Variants in WDR49 observed in about 807,000 individuals in gnomAD.
WDR49 encodes the protein cilia- and flagella-associated protein 337.
A neutral mutation model predicts 119.5 loss-of-function variants in WDR49; 107 were observed. That is an observed-to-expected ratio of 0.90 (90% CI 0.77 to 1.05). WDR49 has a LOEUF of 1.05. Among genes scored for constraint, WDR49 ranks in the 50% least tolerant of loss-of-function variants. The pLI is 0.00. For synonymous variants in WDR49, 425 were observed against 418.8 expected (o/e 1.01, Z -0.18); for missense variants, 1,240 against 1,220.5 (o/e 1.02, Z -0.24).
In WDR49 at chr3:167,492,980, C is replaced by T. The variant is rs538975429; in HGVS notation, c.3031+7173G>A. Among the ~76,000 whole-genome samples, 60 of 152,230 alleles carry T rather than the reference C, an allele frequency of 3.9e-4. No homozygotes were observed. In the South Asian group the frequency reaches 0.012, roughly 31 times the overall value. The stretch of plus-strand genomic sequence containing the variant: ...GTCCGTTATCAATGTATTGCCCAAG[C>T]TTTTTGATGCCTGCTCTGTGCTGAC... On this transcript the variant is annotated intron_variant, in intron 18 of 18. Coordinates refer to ENST00000682715, the MANE Select transcript of WDR49 (RefSeq NM_001366157.1).
At chr3:167,613,999 T>C (rs918464992) in intron 5 of WDR49, among the ~76,000 whole-genome samples, 1 of 152,158 alleles carries the variant, frequency 6.6e-6, no homozygotes, top group East Asian at 1.9e-4. Flanking sequence ...TTGTATCTTC[T>C]TCTAGCCCTG....
rs771137393 is a variant in WDR49, at chr3:167,531,242, G to A, written c.2091C>T (p.Ser697=). The change falls in exon 13 of 19, where the codon AGC becomes AGT. Residue 697 remains serine (S), a synonymous_variant. Transcript: ENST00000682715. ...GGTCTGCCATGGGGTGGGAGGGTTGGCTTCTCCCAGCACTGAGAAGTTTTT... is the reference window on the plus strand; with the variant it reads ...GGTCTGCCATGGGGTGGGAGGGTTGACTTCTCCCAGCACTGAGAAGTTTTT... ...KPQKLLSAGR[S]QPSHPMADHS... is the part of the protein sequence containing the mutation. 3 of 1,611,468 alleles carry A rather than the reference G, an allele frequency of 1.9e-6. No individual in the cohort carries two copies. The Admixed American group carries it at 5.0e-5, about 27-fold the overall frequency.
chr3:167,562,923 G>T (rs1305487154), intron 8 of WDR49, among the ~76,000 whole-genome samples: 1 of 152,154 alleles, frequency 6.6e-6, no homozygotes, highest in Admixed American at 6.5e-5. Flanking sequence ...AATCATAAAA[G>T]TTAGGTAGTG....
chr3:167,638,591 T>C (rs1717729502), intron 2 of WDR49, among the ~76,000 whole-genome samples: 1 of 151,584 alleles, frequency 6.6e-6, no homozygotes, highest in South Asian at 2.1e-4. Flanking sequence ...AGATTAGATA[T>C]GTTATTGCAA....
At chr3:167,561,384 T>C (rs1038633988) in intron 8 of WDR49, among the ~76,000 whole-genome samples, 2 of 152,024 alleles carry the variant, frequency 1.3e-5, no homozygotes, top group African/African-American at 4.8e-5. Flanking sequence ...GCATACCAGA[T>C]CAGAAACTCT....
At chr3:167,652,551 A>C (rs1338948791) in intron 2 of WDR49, among the ~76,000 whole-genome samples, 2 of 152,196 alleles carry the variant, frequency 1.3e-5, no homozygotes, top group East Asian at 3.8e-4. Flanking sequence ...TTTGAAACTA[A>C]AAACCACTTT....
At chr3:167,629,472 G>A (rs372752561) in intron 2 of WDR49, among the ~76,000 whole-genome samples, 1 of 152,042 alleles carries the variant, frequency 6.6e-6, no homozygotes, top group African/African-American at 2.4e-5. Context: ...GATTAATATT[G>A]TTTTTATGCC....
At chr3:167,615,848 C>T (rs895736044) in intron 5 of WDR49, among the ~76,000 whole-genome samples, 1 of 152,172 alleles carries the variant, frequency 6.6e-6, no homozygotes, top group Non-Finnish European at 1.5e-5. Flanking sequence ...CTCCAGCATC[C>T]TTTGATAAAT....
intron 18 of WDR49, among the ~76,000 whole-genome samples, chr3:167,486,483 C>T (rs1750924346): frequency 6.6e-6 from 1 of 152,030 alleles, no homozygotes; most frequent in Non-Finnish European, 1.5e-5. Context: ...AAAAAAGACC[C>T]AACCATCTGC....
intron 18 of WDR49, among the ~76,000 whole-genome samples, chr3:167,495,395 T>A (rs1269677825): frequency 6.6e-6 from 1 of 152,090 alleles, no homozygotes; most frequent in African/African-American, 2.4e-5. Context: ...CATACATATA[T>A]AATCTGAAAC....
At chr3:167,499,321 G>A (rs1419988965) in intron 18 of WDR49, among the ~76,000 whole-genome samples, 3 of 152,194 alleles carry the variant, frequency 2.0e-5, no homozygotes, top group African/African-American at 4.8e-5. Flanking sequence ...TCTCAAGGAT[G>A]ATGTTGAACC....
At chr3:167,614,281 T>C (rs990221155) in intron 5 of WDR49, among the ~76,000 whole-genome samples, 5 of 152,058 alleles carry the variant, frequency 3.3e-5, no homozygotes, top group South Asian at 2.1e-4. Context: ...TTATTGTTAG[T>C]AGAGACATGG....
chr3:167,516,311 C>A (rs1210976112), intron 16 of WDR49, among the ~76,000 whole-genome samples: 1 of 142,314 alleles, frequency 7.0e-6, no homozygotes, highest in Non-Finnish European at 1.5e-5. Context: ...CATGTGTTCT[C>A]ATTGTTCAAT....
chr3:167,482,665 C>T (rs867873042), intron 18 of WDR49, among the ~76,000 whole-genome samples: 3 of 139,822 alleles, frequency 2.1e-5, no homozygotes, highest in East Asian at 4.1e-4. Flanking sequence ...GGCGACAGAA[C>T]GAGACTCTGT....
chr3:167,549,006 T>C (rs1712380395), intron 10 of WDR49, among the ~76,000 whole-genome samples: 1 of 152,168 alleles, frequency 6.6e-6, no homozygotes, highest in Admixed American at 6.5e-5. Flanking sequence ...TCCATGTACC[T>C]ACAAAGGACA....
chr3:167,534,940 C>T (rs1752971537), intron 11 of WDR49, among the ~76,000 whole-genome samples: 1 of 152,162 alleles, frequency 6.6e-6, no homozygotes, highest in South Asian at 2.1e-4. Context: ...TGATTCGTAC[C>T]TGACAGCCCT....
At chr3:167,511,418 C>T (rs538395719) in intron 16 of WDR49, among the ~76,000 whole-genome samples, 7 of 152,272 alleles carry the variant, frequency 4.6e-5, no homozygotes, top group Admixed American at 3.3e-4. Context: ...AGTCTACCGA[C>T]GCCTATATAA....
chr3:167,526,029 TA>T (rs1452190442), intron 15 of WDR49, among the ~76,000 whole-genome samples: 1 of 151,108 alleles, frequency 6.6e-6, no homozygotes, highest in African/African-American at 2.4e-5. Flanking sequence ...AAATAAAAAT[TA>T]AAAAAAAGAA....
intron 5 of WDR49, among the ~76,000 whole-genome samples, chr3:167,618,719 A>G (rs1024645344): frequency 6.6e-6 from 1 of 152,198 alleles, no homozygotes; most frequent in African/African-American, 2.4e-5. Flanking sequence ...CGGATTCCTT[A>G]GGTCATAAAC....
Sources: allele counts gnomAD v4.1 joint callset (sites outside exome capture counted in the v4.1 genomes callset), GRCh38; gene constraint gnomAD v4.1.1; transcripts MANE v1.5; gene names NCBI Gene and HGNC (gene_info 2026-07-23, HGNC 2026-07-21).